Variants in TTC12 observed in about 807,000 individuals in gnomAD.
The protein encoded by TTC12 is tetratricopeptide repeat protein 12.
Under a neutral mutation model 90.1 loss-of-function variants are expected in TTC12, and 70 were observed. That is an observed-to-expected ratio of 0.78 (90% CI 0.64 to 0.95). The LOEUF (loss-of-function observed/expected upper bound fraction) is 0.95, where lower values mean the gene tolerates loss of function less well. TTC12 is among the 40% of genes least tolerant of loss of function. The pLI, the probability that TTC12 is intolerant of heterozygous loss-of-function variation, is 0.00. For missense variants in TTC12, 819 were observed against 846.1 expected (o/e 0.97, Z 0.40); for synonymous variants, 296 against 311.5 (o/e 0.95, Z 0.53).
At chr11:113,322,909 A>C (rs1479257301) in intron 2 of TTC12, among the ~76,000 whole-genome samples, 1 of 152,172 alleles carries the variant, frequency 6.6e-6, no homozygotes, top group African/African-American at 2.4e-5. Context: ...GCCTGTACTT[A>C]CATGTTTGTC....
downstream of TTC12, chr11:113,368,973 C>T (rs147370251): frequency 2.6e-4 from 42 of 161,518 alleles, no homozygotes; most frequent in East Asian, 7.4e-3. Flanking sequence ...AGAGGCTCTC[C>T]AAGGGTTCCG....
intron 2 of TTC12, 118 bp from the exon 3 acceptor site, chr11:113,323,170 C>A: frequency 2.3e-6 from 1 of 442,482 alleles, no homozygotes; most frequent in East Asian, 7.7e-5. Flanking sequence ...ATTTTGCTTT[C>A]TATTGCTCTA....
intron 9 of TTC12, among the ~76,000 whole-genome samples, chr11:113,339,052 C>T (rs1948537149): frequency 6.6e-6 from 1 of 152,136 alleles, no homozygotes. Context: ...TTTTCTACAC[C>T]ATCCTCCCTT....
downstream of TTC12, among the ~76,000 whole-genome samples, chr11:113,366,584 C>T (rs1280033819): frequency 1.3e-5 from 2 of 152,226 alleles, no homozygotes; most frequent in Admixed American, 1.3e-4. Flanking sequence ...ATTGCCCAGA[C>T]TCCCTTGTAG....
At chr11:113,339,023 G>C (rs1948536005) in intron 9 of TTC12, among the ~76,000 whole-genome samples, 189 bp downstream of exon 9, 1 of 152,110 alleles carries the variant, frequency 6.6e-6, no homozygotes, top group Non-Finnish European at 1.5e-5. Context: ...CTTGCAAATA[G>C]TAATATTTTC....
At chr11:113,319,359 C>T (rs916124246) in intron 2 of TTC12, among the ~76,000 whole-genome samples, 6 of 151,812 alleles carry the variant, frequency 4.0e-5, no homozygotes, top group Admixed American at 2.0e-4. Flanking sequence ...GACTAAATGT[C>T]GTGTAGTGTT....
intron 16 of TTC12, among the ~76,000 whole-genome samples, chr11:113,353,524 T>C (rs1555151245): frequency 1.3e-5 from 2 of 152,332 alleles, no homozygotes; most frequent in African/African-American, 4.8e-5. Context: ...GTCTTTGTCA[T>C]GAAATCTTTG....
intron 12 of TTC12, among the ~76,000 whole-genome samples, chr11:113,344,062 G>T (rs575956764): frequency 3.9e-5 from 6 of 152,278 alleles, no homozygotes; most frequent in Non-Finnish European, 8.8e-5. Flanking sequence ...CTGATGAGGA[G>T]ACCGAGGAGC....
chr11:113,344,259 C>G lies in TTC12; in HGVS notation c.986-13C>G. On this transcript the variant is annotated splice_polypyrimidine_tract_variant and intron_variant, in intron 12 of 21. Transcript: ENST00000529221. ...ATGGCATGCACAAGACACACAACCT[C>G]TGTGTTTTGCAGAGGAAAACCAGCG... 6.2e-7 allele frequency: 1 copy of G among 1,605,818 alleles called. No homozygotes were observed. The highest frequency in any genetic ancestry group is 1.1e-5 in the South Asian group (1 of 90,090).
chr11:113,350,139 G>A lies in TTC12; in HGVS notation c.1221G>A (p.Leu407=), dbSNP rs782339197. The change falls in exon 14 of 22, where the codon CTG becomes CTA. Residue 407 remains leucine (L), a synonymous_variant. Coordinates refer to ENST00000529221, the MANE Select transcript of TTC12 (RefSeq NM_017868.4). The stretch of plus-strand genomic sequence containing the variant: ...AGGAGGCCAACACTGCTATGGGACT[G>A]TTCACAGACTTGGCTCTGGAAGAAA... ...SDKEANTAMG[L]FTDLALEERF... 1 of 1,613,250 alleles carries A rather than the reference G, an allele frequency of 6.2e-7. No individual in the cohort carries two copies. The highest frequency in any genetic ancestry group is 8.5e-7 in the Non-Finnish European group (1 of 1,179,388).
intron 5 of TTC12, 70 bp from the exon 6 acceptor site, chr11:113,325,454 G>A (rs1219078544): frequency 5.7e-6 from 9 of 1,571,144 alleles, no homozygotes; most frequent in African/African-American, 1.4e-5. Flanking sequence ...TTGGAAAATC[G>A]GGGGAATAAA....
intron 2 of TTC12, among the ~76,000 whole-genome samples, chr11:113,319,561 C>T (rs1030103515): frequency 5.3e-5 from 8 of 151,686 alleles, no homozygotes; most frequent in Non-Finnish European, 1.0e-4. Context: ...ATATTCTATG[C>T]AGTAAATACA....
chr11:113,359,753 G>A (rs1020413182), intron 17 of TTC12, among the ~76,000 whole-genome samples, 187 bp from the exon 18 acceptor site: 5 of 152,196 alleles, frequency 3.3e-5, no homozygotes, highest in African/African-American at 1.2e-4. Context: ...CTGCTATCAG[G>A]GTAATGCCCT....
At chr11:113,344,542 G>A (rs1372202594) in intron 13 of TTC12, 102 bp downstream of exon 13, 11 of 1,239,462 alleles carry the variant, frequency 8.9e-6, no homozygotes, top group African/African-American at 1.5e-5. Flanking sequence ...GTGACTTGAA[G>A]GATCAATAAC....
chr11:113,369,279 T>C (rs1015371505), downstream of TTC12, among the ~76,000 whole-genome samples: 1 of 152,182 alleles, frequency 6.6e-6, no homozygotes, highest in Admixed American at 6.5e-5. Context: ...CATGCGTCCG[T>C]ATCCCAAATT....
intron 16 of TTC12, among the ~76,000 whole-genome samples, chr11:113,358,857 T>C (rs1447517930): frequency 2.0e-5 from 3 of 152,100 alleles, no homozygotes; most frequent in Non-Finnish European, 2.9e-5. Context: ...CCAAGAGCCT[T>C]TGGGGACCAA....
At chr11:113,334,580 G>A (rs1948248329) in intron 7 of TTC12, among the ~76,000 whole-genome samples, 1 of 151,808 alleles carries the variant, frequency 6.6e-6, no homozygotes, top group Non-Finnish European at 1.5e-5. Context: ...AATTATTGAT[G>A]CCTGGGTCTT....
chr11:113,340,019 G>C (rs1948595260), intron 10 of TTC12, among the ~76,000 whole-genome samples: 1 of 152,182 alleles, frequency 6.6e-6, no homozygotes, highest in Non-Finnish European at 1.5e-5. Flanking sequence ...AGGTTAAACT[G>C]TAAGGTTCAC....
chr11:113,346,600 C>G (rs540718117), intron 13 of TTC12, among the ~76,000 whole-genome samples: 1 of 152,028 alleles, frequency 6.6e-6, no homozygotes, highest in African/African-American at 2.4e-5. Flanking sequence ...ATCAAGAAAA[C>G]CTACTGCCTA....
Sources: gnomAD v4.1 joint callset for allele counts (sites outside exome capture counted in the v4.1 genomes callset) on GRCh38, gnomAD v4.1.1 for gene constraint, MANE v1.5 for transcripts, NCBI Gene and HGNC (gene_info 2026-07-23, HGNC 2026-07-21) for gene names.